SPECC1L: variants seen among roughly 807,000 people sequenced by gnomAD.
The protein encoded by SPECC1L is sperm antigen with calponin homology and coiled-coil domains 1 like, also known as cytospin-A.
In SPECC1L, 40 loss-of-function variants were observed where a neutral mutation model predicts 116.8. The ratio of observed to expected loss-of-function variants is 0.34; its 90% CI spans 0.27 to 0.45. The LOEUF (loss-of-function observed/expected upper bound fraction) is 0.45. SPECC1L is among the 20% of genes least tolerant of loss of function. The probability of loss-of-function intolerance (pLI) is 1.00; values close to 1 mark genes in which losing one functional copy is unlikely to be tolerated. For missense variants in SPECC1L, 1,110 were observed against 1,373.6 expected, an observed-to-expected ratio of 0.81 and a Z score of 3.03; for synonymous variants, 504 against 500.6, an observed-to-expected ratio of 1.01 and a Z score of -0.09.
chr22:24,317,395 A>C (rs2040607011), intron 4 of SPECC1L, among the ~76,000 whole-genome samples: 1 of 106,222 alleles, frequency 9.4e-6, no homozygotes, highest in African/African-American at 3.4e-5. Flanking sequence ...GGCCGGGCAG[A>C]GGCGCCCCTC....
intron 14 of SPECC1L, among the ~76,000 whole-genome samples, chr22:24,402,321 C>G (rs561446844): frequency 3.3e-5 from 5 of 152,100 alleles, no homozygotes; most frequent in African/African-American, 1.2e-4. Flanking sequence ...TTCATCACTC[C>G]CAGGGCATTC....
intron 2 of SPECC1L, among the ~76,000 whole-genome samples, chr22:24,301,934 T>C (rs534482328): frequency 4.6e-4 from 70 of 151,840 alleles, no homozygotes; most frequent in African/African-American, 1.6e-3. Flanking sequence ...TAGTCCCAAC[T>C]ACTCGGAAGG....
chr22:24,363,336 C>G lies in SPECC1L; in HGVS notation c.2819C>G (p.Thr940Ser). The G allele has an allele frequency of 6.2e-7, 1 of 1,613,936 alleles. No individual in the cohort carries two copies. Among genetic ancestry groups the G allele is most frequent in the Non-Finnish European group, 8.5e-7 (1 of 1,179,804 alleles). Residue 940 changes from threonine to serine, a missense_variant, in exon 12 of 17, where the codon ACC becomes AGC. By Grantham distance (58) the Thr-to-Ser change is moderately conservative (BLOSUM62 1). Coordinates refer to ENST00000314328, the MANE Select transcript of SPECC1L (RefSeq NM_015330.6). Reference protein sequence around the residue: ...PRVPAMESAKTLSVSRRSSEE... With the variant: ...PRVPAMESAKSLSVSRRSSEE... ...GTGCCTGCGATGGAAAGTGCCAAGA[C>G]CCTCTCAGGTGATGACTTTCATCTG... is the stretch of plus-strand genomic sequence containing the variant.
chr22:24,353,080 C>T (rs2041457937), intron 11 of SPECC1L, among the ~76,000 whole-genome samples: 1 of 152,156 alleles, frequency 6.6e-6, no homozygotes, highest in Admixed American at 6.6e-5. Flanking sequence ...GAGTTCCCTT[C>T]CCCCAGCTTC....
At chr22:24,284,000 G>A (rs1180941473) in intron 2 of SPECC1L, among the ~76,000 whole-genome samples, 1 of 152,016 alleles carries the variant, frequency 6.6e-6, no homozygotes, top group Non-Finnish European at 1.5e-5. Flanking sequence ...TATGAGTGTG[G>A]CTAGAGGTTT....
chr22:24,399,148 G>A (rs975125318), intron 14 of SPECC1L, among the ~76,000 whole-genome samples: 2 of 152,192 alleles, frequency 1.3e-5, no homozygotes, highest in African/African-American at 4.8e-5. Context: ...TGATTCCTGT[G>A]TGCTTCTCCA....
Position 24,334,561 on chromosome 22 carries a change from A to G in SPECC1L, c.2548A>G (p.Ser850Gly). ...TVKTLIKSFD[S>G]ASQVPNPAAA... ...AAAAACCCTCATCAAGTCCTTTGAC[A>G]GTGCATCTCAAGGTAATTAATTTCT... is the stretch of plus-strand genomic sequence containing the variant. Residue 850 changes from serine to glycine, a missense_variant, in exon 9 of 17, where the codon AGT becomes GGT. This residue lies in a region of SPECC1L where 575 missense variants were observed against 682.4 expected (regional missense o/e 0.84). Coordinates refer to ENST00000314328, the MANE Select transcript of SPECC1L (RefSeq NM_015330.6). The G allele has an allele frequency of 1.9e-6, 3 of 1,614,188 alleles. No individual in the cohort carries two copies. The highest frequency in any genetic ancestry group is 1.7e-6 in the Non-Finnish European group (2 of 1,180,032).
intron 14 of SPECC1L, among the ~76,000 whole-genome samples, chr22:24,386,352 G>A (rs1053188383): frequency 1.3e-5 from 2 of 151,976 alleles, no homozygotes; most frequent in Non-Finnish European, 2.9e-5. Context: ...GATCCCCTGA[G>A]GCCAAGAGTT....
At chr22:24,277,779 T>A (rs973717381) in intron 2 of SPECC1L, among the ~76,000 whole-genome samples, 5 of 152,260 alleles carry the variant, frequency 3.3e-5, no homozygotes, top group Non-Finnish European at 7.3e-5. Flanking sequence ...GTCCATCAGT[T>A]GATGAACATT....
At chr22:24,355,482 CCTAT>C (rs966599009) in intron 11 of SPECC1L, among the ~76,000 whole-genome samples, 39 of 152,014 alleles carry the variant, frequency 2.6e-4, no homozygotes, top group East Asian at 9.7e-4. Context: ...TACCTACCTA[CCTAT>C]CTAACTATCT....
At chr22:24,280,770 C>T (rs28361287) in intron 2 of SPECC1L, among the ~76,000 whole-genome samples, 1 of 151,728 alleles carries the variant, frequency 6.6e-6, no homozygotes, top group African/African-American at 2.4e-5. Flanking sequence ...GTAGAGGCGG[C>T]GTTTCACCAT....
chr22:24,275,177 A>G (rs1190280797), intron 1 of SPECC1L, among the ~76,000 whole-genome samples: 5 of 152,222 alleles, frequency 3.3e-5, no homozygotes. Flanking sequence ...TGCGGCCTCC[A>G]CTGGACAATG....
intron 1 of SPECC1L, among the ~76,000 whole-genome samples, chr22:24,272,791 A>T (rs886486658): frequency 6.6e-6 from 1 of 152,226 alleles, no homozygotes; most frequent in African/African-American, 2.4e-5. Context: ...TAAATGGCTA[A>T]TCCAGTATTT....
At chr22:24,274,121 T>C (rs1374286243) in intron 1 of SPECC1L, among the ~76,000 whole-genome samples, 2 of 152,244 alleles carry the variant, frequency 1.3e-5, no homozygotes, top group African/African-American at 4.8e-5. Context: ...TTCTGGTGGT[T>C]GGAATTGTTA....
At chr22:24,399,853 AC>A (rs1383554663) in intron 14 of SPECC1L, among the ~76,000 whole-genome samples, 2 of 152,186 alleles carry the variant, frequency 1.3e-5, no homozygotes, top group African/African-American at 4.8e-5. Flanking sequence ...CCTGCCTCCT[AC>A]CCTTAGCTGC....
chr22:24,273,622 G>C (rs2048774056), intron 1 of SPECC1L, among the ~76,000 whole-genome samples: 1 of 152,148 alleles, frequency 6.6e-6, no homozygotes, highest in African/African-American at 2.4e-5. Flanking sequence ...CAAATATAGA[G>C]TATTTCTTAA....
At chr22:24,361,361 C>A (rs1251511076) in intron 11 of SPECC1L, among the ~76,000 whole-genome samples, 1 of 151,912 alleles carries the variant, frequency 6.6e-6, no homozygotes, top group Non-Finnish European at 1.5e-5. Flanking sequence ...TGCACTCTAG[C>A]CTGGGCAACA....
chr22:24,336,378 T>C (rs1186101565), intron 9 of SPECC1L, among the ~76,000 whole-genome samples: 1 of 152,090 alleles, frequency 6.6e-6, no homozygotes, highest in Non-Finnish European at 1.5e-5. Flanking sequence ...GCAAGAAAGA[T>C]GTACCCAGAA....
rs62233981 is a variant in SPECC1L, at chr22:24,383,316, C to A, written c.3087+13996C>A. Among the ~76,000 whole-genome samples, 1,181 of 152,300 alleles carry A rather than the reference C, an allele frequency of 7.8e-3. 9 individuals are homozygous for A. The highest frequency in any genetic ancestry group is 0.024 in the South Asian group (115 of 4,826). ...GCATGACCAGGCACAGTGGCTCATA[C>A]CTGTAATCCTAGCACTTTGGGAAAC... On this transcript the variant is annotated intron_variant, in intron 14 of 16. Coordinates refer to ENST00000314328, the MANE Select transcript of SPECC1L (RefSeq NM_015330.6).
Sources: gnomAD v4.1 joint callset for allele counts (sites outside exome capture counted in the v4.1 genomes callset) on GRCh38, gnomAD v4.1.1 for gene constraint, gnomAD v4.1.1 regional missense constraint, MANE v1.5 for transcripts, NCBI Gene and HGNC (gene_info 2026-07-23, HGNC 2026-07-21) for gene names.